Variants in LCA5 observed in about 807,000 individuals in gnomAD.
LCA5 encodes lebercilin LCA5.
LCA5 carries 37 observed loss-of-function variants against 53.0 expected under a neutral mutation model. That is an observed-to-expected ratio of 0.70 (90% CI 0.54 to 0.92). LCA5 has a LOEUF of 0.92. Among genes scored for constraint, LCA5 ranks in the 40% least tolerant of loss-of-function variants. The probability of loss-of-function intolerance (pLI) is 0.00; values close to 1 mark genes in which losing one functional copy is unlikely to be tolerated. For synonymous variants in LCA5, 303 were observed against 282.9 expected, an observed-to-expected ratio of 1.07 and a Z score of -0.71; for missense variants, 806 against 790.5, an observed-to-expected ratio of 1.02 and a Z score of -0.23.
intron 3 of LCA5, among the ~76,000 whole-genome samples, chr6:79,494,087 T>C (rs1010006136): frequency 6.6e-6 from 1 of 152,000 alleles, no homozygotes; most frequent in Non-Finnish European, 1.5e-5. Flanking sequence ...CCCATCTCTA[T>C]AAAATAAGAG....
intron 3 of LCA5, among the ~76,000 whole-genome samples, chr6:79,509,453 CAAAA>C (rs55961532): frequency 1.2e-5 from 1 of 84,256 alleles, no homozygotes. Flanking sequence ...GACTCCGTCT[CAAAA>C]AAAAAAAAAA....
intron 3 of LCA5, among the ~76,000 whole-genome samples, chr6:79,508,249 A>G (rs1770320874): frequency 6.6e-6 from 1 of 152,176 alleles, no homozygotes; most frequent in Admixed American, 6.5e-5. Context: ...AGGAGGACAG[A>G]CAACTGTCAT....
In LCA5 at chr6:79,518,792, G is replaced by A. The variant is rs748370008; in HGVS notation, c.103C>T (p.Arg35Ter). 8.7e-6 allele frequency: 14 copies of A among 1,614,034 alleles called. No individual in the cohort carries two copies. Among genetic ancestry groups the A allele is most frequent in the Non-Finnish European group, 1.0e-5 (12 of 1,179,996 alleles). ...GGTGAAGAACTGACCAGCGATGATCGGCCAGAAGACTGTGGCGTTTCAAAA... is the reference window on the plus strand; with the variant it reads ...GGTGAAGAACTGACCAGCGATGATCAGCCAGAAGACTGTGGCGTTTCAAAA... Reference protein sequence around the residue: ...SDFETPQSSGRSSLVSSSPAS... With the variant: ...SDFETPQSSG The change falls in exon 2 of 8, where the codon CGA (arginine) becomes TGA (stop). Residue 35 changes from arginine (R) to a stop codon, truncating the protein, a stop_gained. Coordinates refer to ENST00000369846, the MANE Select transcript of LCA5 (RefSeq NM_001122769.3). LOFTEE classifies it high-confidence loss of function.
At position 79,487,351 on chromosome 6, in the gene LCA5, T is replaced by C. The variant is rs138594057; in HGVS notation, c.1747A>G (p.Ser583Gly). The C allele has an allele frequency of 6.2e-6, 10 of 1,613,340 alleles. No homozygotes were observed. Among genetic ancestry groups the C allele is most frequent in the South Asian group, 5.5e-5 (5 of 90,932 alleles). ...CCATCTTTACTAAGTTTTTCCATAC[T>C]GTTTCTTTGGAAATCCAAAAAACTA... ...KSSFLDFQRN[S>G]MEKLSKDGVD... The change falls in exon 8 of 8, where the codon AGT becomes GGT. Residue 583 changes from serine to glycine, a missense_variant. Physicochemically the swap from Ser to Gly is moderately conservative, Grantham distance 56. Transcript: ENST00000369846.
intron 5 of LCA5, 130 bp downstream of exon 5, chr6:79,492,421 T>C: frequency 2.2e-6 from 1 of 453,216 alleles, no homozygotes; most frequent in African/African-American, 2.0e-5. Flanking sequence ...GAAATTTAAA[T>C]TGCAACAAAT....
At chr6:79,497,092 C>T (rs1460934033) in intron 3 of LCA5, among the ~76,000 whole-genome samples, 3 of 151,842 alleles carry the variant, frequency 2.0e-5, no homozygotes, top group African/African-American at 7.3e-5. Context: ...AAAAAGCAAA[C>T]TGAAAAACAA....
chr6:79,486,801 TTCAAAAAAGCC>T lies in LCA5; in HGVS notation c.*192_*202del, dbSNP rs1396949351. On this transcript the variant is annotated 3_prime_UTR_variant, in exon 8 of 8. Coordinates refer to ENST00000369846, the MANE Select transcript of LCA5 (RefSeq NM_001122769.3). ...AGACATATTTTTATTTTTGGTTTCATTCAAAAAAGCCTCCTTCATTCTTGGCAAACTATCTA... is the reference window on the plus strand; with the variant it reads ...AGACATATTTTTATTTTTGGTTTCATTCCTTCATTCTTGGCAAACTATCTA... The T allele has an allele frequency of 6.3e-6, 3 of 474,896 alleles. No individual in the cohort carries two copies. The highest frequency in any genetic ancestry group is 1.1e-5 in the Non-Finnish European group (3 of 274,596). 29.4% of individuals were successfully genotyped at this position (474,896 alleles called of 1,614,324 possible).
At position 79,493,666 on chromosome 6, in the gene LCA5, C is replaced by T; in HGVS notation, c.805G>A (p.Asp269Asn). Reference protein sequence around the residue: ...AERKRAYEAHDENKVLQKEVQ... With the variant: ...AERKRAYEAHNENKVLQKEVQ... ...TCCTTTTGAAGAACTTTATTTTCAT[C>T]ATGAGCCTCATATGCCCTTTTCCTT... The change falls in exon 4 of 8, where the codon GAT (aspartate) becomes AAT (asparagine). Residue 269 changes from aspartate to asparagine, a missense_variant. Coordinates refer to ENST00000369846, the MANE Select transcript of LCA5 (RefSeq NM_001122769.3). 1 of 1,613,454 alleles carries T rather than the reference C, an allele frequency of 6.2e-7. No individual in the cohort carries two copies. Among genetic ancestry groups the T allele is most frequent in the Non-Finnish European group, 8.5e-7 (1 of 1,179,510 alleles).
At chr6:79,496,966 ATTTG>A (rs1451192242) in intron 3 of LCA5, among the ~76,000 whole-genome samples, 16 of 152,152 alleles carry the variant, frequency 1.1e-4, no homozygotes, top group Non-Finnish European at 2.1e-4. Flanking sequence ...AATTATTTTA[ATTTG>A]TTTTTCTTTG....
chr6:79,538,370 C>T (rs1055170293), upstream of LCA5, among the ~76,000 whole-genome samples: 1 of 152,124 alleles, frequency 6.6e-6, no homozygotes, highest in Admixed American at 6.5e-5. Flanking sequence ...CTCGTTTTTC[C>T]ACCTTTGCAC....
intron 1 of LCA5, among the ~76,000 whole-genome samples, chr6:79,533,186 A>T (rs1767006294): frequency 6.6e-6 from 1 of 152,170 alleles, no homozygotes; most frequent in African/African-American, 2.4e-5. Context: ...GACTAATGTA[A>T]TGTAGACATA....
At chr6:79,499,734 G>A (rs1285222570) in intron 3 of LCA5, among the ~76,000 whole-genome samples, 1 of 149,018 alleles carries the variant, frequency 6.7e-6, no homozygotes, top group African/African-American at 2.5e-5. Context: ...TAGGGTACAT[G>A]TGCACAATGT....
chr6:79,486,548 C>A lies in LCA5; in HGVS notation c.*456G>T. ...CTGGCCCTATCCATAAAGGGAAGGG[C>A]TCCTAAGAAGCACTGGTTCTCCACC... On this transcript the variant is annotated 3_prime_UTR_variant, in exon 8 of 8. Coordinates refer to ENST00000369846, the MANE Select transcript of LCA5 (RefSeq NM_001122769.3). The A allele has an allele frequency of 6.3e-6, 1 of 159,326 alleles. No homozygotes were observed. Among genetic ancestry groups the A allele is most frequent in the Non-Finnish European group, 1.4e-5 (1 of 73,064 alleles). 9.9% of individuals were successfully genotyped at this position (159,326 alleles called of 1,614,324 possible).
chr6:79,523,920 A>G (rs75778437), intron 1 of LCA5, among the ~76,000 whole-genome samples: 2,708 of 152,248 alleles, frequency 0.018, 76 homozygotes, highest in African/African-American at 0.061. Context: ...TATGTACGCT[A>G]TATCTTAAGT....
rs546163134 is a variant in LCA5, at chr6:79,534,187, C to T, written c.-192+2978G>A. Among the ~76,000 whole-genome samples the T allele has an allele frequency of 1.8e-3, 276 of 151,338 alleles. 2 individuals are homozygous for T. Among genetic ancestry groups the T allele is most frequent in the African/African-American group, 6.4e-3 (263 of 41,374 alleles). Reference sequence around the variant, plus strand: ...TATACTACTTATCTACATAATCTTGCTTAAAAATCAAACTATTTTTATTTA... The same window carrying T: ...TATACTACTTATCTACATAATCTTGTTTAAAAATCAAACTATTTTTATTTA... On this transcript the variant is annotated intron_variant, in intron 1 of 7. Coordinates refer to ENST00000369846, the MANE Select transcript of LCA5 (RefSeq NM_001122769.3).
In LCA5 at chr6:79,491,633, A is replaced by G. The variant is rs1401531200; in HGVS notation, c.1053T>C (p.Ile351=). ...CTTCCCATTTGTTTTCGTAACACAT[A>G]ATTGTTTCTGGAGTTAAAGGATATT... ...PEEYPLTPET[I]MCYENKWEEP... The change falls in exon 6 of 8, where the codon ATT becomes ATC. Residue 351 remains isoleucine (I), a synonymous_variant. Transcript: ENST00000369846. 2 of 1,613,194 alleles carry G rather than the reference A, an allele frequency of 1.2e-6. No individual in the cohort carries two copies. Among genetic ancestry groups the G allele is most frequent in the Non-Finnish European group, 1.7e-6 (2 of 1,179,304 alleles).
In LCA5 at chr6:79,487,487, C is replaced by A. The variant is rs776020018; in HGVS notation, c.1611G>T (p.Gln537His). Residue 537 changes from glutamine to histidine, a missense_variant, in exon 8 of 8, where the codon CAG becomes CAT. Transcript: ENST00000369846. ...CTGGACTTCTAACATTTCCTGAATT[C>A]TGACCTTCTCCTTTTGGAGTTGAGA... ...ISFSTPKGEG[Q>H]NSGNVRSPAS... is the part of the protein sequence containing the mutation. 1 of 1,614,026 alleles carries A rather than the reference C, an allele frequency of 6.2e-7. No individual in the cohort carries two copies. Among genetic ancestry groups the A allele is most frequent in the Non-Finnish European group, 8.5e-7 (1 of 1,179,930 alleles).
chr6:79,522,213 CAAAT>C (rs1045845016), intron 1 of LCA5, among the ~76,000 whole-genome samples: 61 of 151,700 alleles, frequency 4.0e-4, no homozygotes, highest in Non-Finnish European at 7.4e-5. Context: ...TTCTAGTTAA[CAAAT>C]AAAAAATAAA....
intron 1 of LCA5, among the ~76,000 whole-genome samples, chr6:79,530,882 CA>C (rs35426154): frequency 3.3e-5 from 5 of 150,986 alleles, no homozygotes; most frequent in East Asian, 1.9e-4. Flanking sequence ...AAAATTAGAC[CA>C]AAAAAAAGAA....
Sources: allele counts gnomAD v4.1 joint callset (sites outside exome capture counted in the v4.1 genomes callset), GRCh38; gene constraint gnomAD v4.1.1; transcripts MANE v1.5; gene names NCBI Gene and HGNC (gene_info 2026-07-23, HGNC 2026-07-21).